Variants in ATXN7L3B observed in about 807,000 individuals in gnomAD.
ATXN7L3B encodes ataxin 7 like 3B, also known as ataxin-7-like protein 3B.
In ATXN7L3B, 4 loss-of-function variants were observed where a neutral mutation model predicts 6.3. The ratio of observed to expected loss-of-function variants is 0.63; its 90% CI spans 0.31 to 1.45. The LOEUF is 1.45. Among genes scored for constraint, ATXN7L3B ranks in the 40% most tolerant of loss-of-function variants. The probability of loss-of-function intolerance (pLI) is 0.07; values close to 1 mark genes in which losing one functional copy is unlikely to be tolerated. For missense variants in ATXN7L3B, 120 were observed against 118.5 expected (o/e 1.01, Z -0.06); for synonymous variants, 63 against 48.0 (o/e 1.31, Z -1.29).
Position 74,538,383 on chromosome 12 carries a change from C to T in ATXN7L3B, c.271C>T (p.Arg91Cys), listed in dbSNP as rs1868779579. 1 of 1,551,302 alleles carries T rather than the reference C, an allele frequency of 6.4e-7. No individual in the cohort carries two copies. Among genetic ancestry groups the T allele is most frequent in the African/African-American group, 1.4e-5 (1 of 73,142 alleles). Residue 91 changes from arginine to cysteine, a missense_variant, in exon 1 of 1, where the codon CGC (arginine) becomes TGC (cysteine). By Grantham distance (180) the Arg-to-Cys change is radical. Transcript: ENST00000519948. ...PGNGPDQQLQ[R>C]SPPEFQ ...GAATGGGCCTGATCAGCAGCTGCAG[C>T]GCTCACCTCCGGAATTCCAGTAGCT...
rs540258480 is a variant in ATXN7L3B, at chr12:74,542,133, T to C, written c.*3727T>C. The stretch of plus-strand genomic sequence containing the variant: ...CAATAGGATACCTCAGGGAAGCTTA[T>C]AGATGTGTAACATGGTATTGAGTCT... On this transcript the variant is annotated 3_prime_UTR_variant, in exon 1 of 1. Transcript: ENST00000519948. 8 of 152,302 alleles carry C rather than the reference T, an allele frequency of 5.3e-5. No homozygotes were observed. The East Asian group carries it at 5.8e-4, about 11-fold the overall frequency. 9.4% of individuals were successfully genotyped at this position (152,302 alleles called of 1,614,324 possible). A position where few individuals can be genotyped will look rare whatever the true frequency, so the allele number is the denominator to read the frequency against.
rs910517801 is a variant in ATXN7L3B, at chr12:74,540,954, C to T, written c.*2548C>T. 5 of 166,992 alleles carry T rather than the reference C, an allele frequency of 3.0e-5. No homozygotes were observed. Among genetic ancestry groups the T allele is most frequent in the African/African-American group, 1.2e-4 (5 of 41,406 alleles). The allele number at this position is 166,992 out of a possible 1,614,324, so 10.3% of individuals were successfully genotyped here. A position where few individuals can be genotyped will look rare whatever the true frequency, so the allele number is the denominator to read the frequency against. On this transcript the variant is annotated 3_prime_UTR_variant, in exon 1 of 1. Coordinates refer to ENST00000519948, the MANE Select transcript of ATXN7L3B (RefSeq NM_001136262.2). ...TGGATGGGTATAAGGTGGGCTTGGT[C>T]CAACAGGTGCCCAGAGGGTACATAC... is the stretch of plus-strand genomic sequence containing the variant.
In ATXN7L3B at chr12:74,538,163, C is replaced by T. The variant is rs1210991988; in HGVS notation, c.51C>T (p.Ile17=). 1.2e-5 allele frequency: 19 copies of T among 1,586,258 alleles called. No individual in the cohort carries two copies. The highest frequency in any genetic ancestry group is 6.9e-5 in the South Asian group (6 of 86,832). ...TGGATACTAACAAGCTAGAGGCCATCGCTCAGGAGATTTACGTAGACCTGA... is the reference window on the plus strand; with the variant it reads ...TGGATACTAACAAGCTAGAGGCCATTGCTCAGGAGATTTACGTAGACCTGA... ...ANLDTNKLEA[I]AQEIYVDLIE... Residue 17 remains isoleucine, a synonymous_variant, in exon 1 of 1, where the codon ATC becomes ATT. Transcript: ENST00000519948.
rs1565676669 is a variant in ATXN7L3B at position 74,541,498 on chromosome 12, G to C, written c.*3092G>C. 2 of 162,528 alleles carry C rather than the reference G, an allele frequency of 1.2e-5. No individual in the cohort carries two copies. The highest frequency in any genetic ancestry group is 4.8e-5 in the African/African-American group (2 of 41,416). The allele number at this position is 162,528 out of a possible 1,614,324, so 10.1% of individuals were successfully genotyped here. A position where few individuals can be genotyped will look rare whatever the true frequency, so the allele number is the denominator to read the frequency against. The stretch of plus-strand genomic sequence containing the variant: ...GTATATTCATCTTTTAAAGCTGTAT[G>C]TTTTCAGGCATTGACATAATGAGAT... On this transcript the variant is annotated 3_prime_UTR_variant, in exon 1 of 1. Coordinates refer to ENST00000519948, the MANE Select transcript of ATXN7L3B (RefSeq NM_001136262.2).
rs1457643576 is a variant in ATXN7L3B at position 74,539,255 on chromosome 12, G to GT, written c.*850dup. 4 of 167,120 alleles carry GT rather than the reference G, an allele frequency of 2.4e-5. No homozygotes were observed. Among genetic ancestry groups the GT allele is most frequent in the African/African-American group, 9.6e-5 (4 of 41,462 alleles). 10.4% of individuals were successfully genotyped at this position (167,120 alleles called of 1,614,324 possible). On this transcript the variant is annotated 3_prime_UTR_variant, in exon 1 of 1. Coordinates refer to ENST00000519948, the MANE Select transcript of ATXN7L3B (RefSeq NM_001136262.2). Reference sequence around the variant, plus strand: ...GATTCATGTCTGGATGTATTATGCTGTGGATATAAGTTTAGTAGGGCGGTC... The same window carrying GT: ...GATTCATGTCTGGATGTATTATGCTGTTGGATATAAGTTTAGTAGGGCGGTC...
Position 74,541,414 on chromosome 12 carries a change from C to T in ATXN7L3B, c.*3008C>T, listed in dbSNP as rs1179586586. 6.0e-6 allele frequency: 1 copy of T among 167,102 alleles called. No homozygotes were observed. Among genetic ancestry groups the T allele is most frequent in the East Asian group, 1.9e-4 (1 of 5,208 alleles). 10.4% of individuals were successfully genotyped at this position (167,102 alleles called of 1,614,324 possible). On this transcript the variant is annotated 3_prime_UTR_variant, in exon 1 of 1. Transcript: ENST00000519948. ...GGCTGCTGGTGTAAATAAACTGCAT[C>T]TCCCCATTGGTAAACAGTAATAAAA...
In ATXN7L3B at chr12:74,537,840, G is replaced by T. The variant is rs779168712; in HGVS notation, c.-273G>T. The T allele has an allele frequency of 1.1e-5, 5 of 440,944 alleles. No individual in the cohort carries two copies. The highest frequency in any genetic ancestry group is 2.0e-5 in the African/African-American group (1 of 50,520). 27.3% of individuals were successfully genotyped at this position (440,944 alleles called of 1,614,324 possible). The stretch of plus-strand genomic sequence containing the variant: ...CAGGGGAGCGGAAGAGGCCCAGGAG[G>T]CTGGGTGAGGCGCTGAGACGGTTTG... On this transcript the variant is annotated 5_prime_UTR_variant, in exon 1 of 1. Transcript: ENST00000519948.
Position 74,540,857 on chromosome 12 carries a change from T to G in ATXN7L3B, c.*2451T>G, listed in dbSNP as rs1389486. The G allele has an allele frequency of 6.0e-6, 1 of 167,076 alleles. No individual in the cohort carries two copies. Among genetic ancestry groups the G allele is most frequent in the East Asian group, 1.9e-4 (1 of 5,164 alleles). 10.3% of individuals were successfully genotyped at this position (167,076 alleles called of 1,614,324 possible). On this transcript the variant is annotated 3_prime_UTR_variant, in exon 1 of 1. Transcript: ENST00000519948. Reference sequence around the variant, plus strand: ...AAGCGGAAAGTAGTTTTGAGTAGTATTTTGTTCATATTACCCCCCTTTTGT... The same window carrying G: ...AAGCGGAAAGTAGTTTTGAGTAGTAGTTTGTTCATATTACCCCCCTTTTGT...
At position 74,537,856 on chromosome 12, in the gene ATXN7L3B, A is replaced by G. The variant is rs1426905138; in HGVS notation, c.-257A>G. 3.2e-5 allele frequency: 15 copies of G among 475,980 alleles called. No individual in the cohort carries two copies. The highest frequency in any genetic ancestry group is 5.7e-5 in the Non-Finnish European group (15 of 264,584). The allele number at this position is 475,980 out of a possible 1,614,324, so 29.5% of individuals were successfully genotyped here. On this transcript the variant is annotated 5_prime_UTR_variant, in exon 1 of 1. Coordinates refer to ENST00000519948, the MANE Select transcript of ATXN7L3B (RefSeq NM_001136262.2). Reference sequence around the variant, plus strand: ...GCCCAGGAGGCTGGGTGAGGCGCTGAGACGGTTTGGCGGTGAGTCCTGGGC... The same window carrying G: ...GCCCAGGAGGCTGGGTGAGGCGCTGGGACGGTTTGGCGGTGAGTCCTGGGC...
rs1265609987 is a variant in ATXN7L3B, at chr12:74,544,346, C to T, written c.*5940C>T. ...TGTGAATCGGAAGCAATCTGTATTACAATCCAAATAGATGTGCTCATGGAA... is the reference window on the plus strand; with the variant it reads ...TGTGAATCGGAAGCAATCTGTATTATAATCCAAATAGATGTGCTCATGGAA... On this transcript the variant is annotated 3_prime_UTR_variant, in exon 1 of 1. Transcript: ENST00000519948. The T allele has an allele frequency of 6.6e-6, 1 of 151,886 alleles. No individual in the cohort carries two copies. Among genetic ancestry groups the T allele is most frequent in the African/African-American group, 2.4e-5 (1 of 41,410 alleles). The allele number at this position is 151,886 out of a possible 1,614,324, so 9.4% of individuals were successfully genotyped here.
In ATXN7L3B at chr12:74,539,318, ATGGG is replaced by A. The variant is rs10579692; in HGVS notation, c.*915_*918del. 16,985 of 167,190 alleles carry A rather than the reference ATGGG, an allele frequency of 0.1. 966 individuals are homozygous for A. The highest frequency in any genetic ancestry group is 0.16 in the Middle Eastern group (48 of 298). 10.4% of individuals were successfully genotyped at this position (167,190 alleles called of 1,614,324 possible). ...GAGTTACTGGTTACCTAGCCAGTCC[ATGGG>A]TGTGACTTGGTCCTTAAGTCAGGTC... is the stretch of plus-strand genomic sequence containing the variant. On this transcript the variant is annotated 3_prime_UTR_variant, in exon 1 of 1. Coordinates refer to ENST00000519948, the MANE Select transcript of ATXN7L3B (RefSeq NM_001136262.2).
chr12:74,544,447 T>A lies in ATXN7L3B; in HGVS notation c.*6041T>A, dbSNP rs1868974418. The A allele has an allele frequency of 6.6e-6, 1 of 152,020 alleles. No individual in the cohort carries two copies. Among genetic ancestry groups the A allele is most frequent in the African/African-American group, 2.4e-5 (1 of 41,446 alleles). 9.4% of individuals were successfully genotyped at this position (152,020 alleles called of 1,614,324 possible). On this transcript the variant is annotated 3_prime_UTR_variant, in exon 1 of 1. Coordinates refer to ENST00000519948, the MANE Select transcript of ATXN7L3B (RefSeq NM_001136262.2). Reference sequence around the variant, plus strand: ...CAAGATCTTTTTGACAGATGTATATTTTAGTTTTGGTGCAGAAACAATGGA... The same window carrying A: ...CAAGATCTTTTTGACAGATGTATATATTAGTTTTGGTGCAGAAACAATGGA...
In ATXN7L3B at chr12:74,538,186, T is replaced by C; in HGVS notation, c.74T>C (p.Leu25Pro). The change falls in exon 1 of 1, where the codon CTG (leucine) becomes CCG (proline). Residue 25 changes from leucine to proline, a missense_variant. By Grantham distance (98) the Leu-to-Pro change is moderately conservative. Transcript: ENST00000519948. ...ATCGCTCAGGAGATTTACGTAGACC[T>C]GATAGAGGATTCTTGTTTGGGATTC... ...EAIAQEIYVD[L>P]IEDSCLGFCF... 1 of 1,599,352 alleles carries C rather than the reference T, an allele frequency of 6.3e-7. No homozygotes were observed. Among genetic ancestry groups the C allele is most frequent in the South Asian group, 1.1e-5 (1 of 88,348 alleles).
rs1253482937 is a variant in ATXN7L3B, at chr12:74,540,757, C to T, written c.*2351C>T. ...AAGGAGAAAGGCCACAGTCCAATCC[C>T]TCTGCCTTCAGATAGGGAACTCAAA... On this transcript the variant is annotated 3_prime_UTR_variant, in exon 1 of 1. Transcript: ENST00000519948. 6.0e-6 allele frequency: 1 copy of T among 167,136 alleles called. No homozygotes were observed. The highest frequency in any genetic ancestry group is 1.5e-5 in the Non-Finnish European group (1 of 68,146). 10.4% of individuals were successfully genotyped at this position (167,136 alleles called of 1,614,324 possible).
In ATXN7L3B at chr12:74,538,344, C is replaced by T. The variant is rs770692815; in HGVS notation, c.232C>T (p.Pro78Ser). 5.8e-6 allele frequency: 9 copies of T among 1,551,990 alleles called. No individual in the cohort carries two copies. The highest frequency in any genetic ancestry group is 2.4e-5 in the East Asian group (1 of 40,936). Residue 78 changes from proline (P) to serine (S), a missense_variant, in exon 1 of 1, where the codon CCC becomes TCC. Transcript: ENST00000519948. ...GACRLPLCSL[P>S]GEPGNGPDQQ... ...GTGCCGCCTCCCGCTTTGCTCCCTTCCCGGAGAACCTGGGAATGGGCCTGA... is the reference window on the plus strand; with the variant it reads ...GTGCCGCCTCCCGCTTTGCTCCCTTTCCGGAGAACCTGGGAATGGGCCTGA...
rs755471152 is a variant in ATXN7L3B at position 74,538,525 on chromosome 12, G to C, written c.*119G>C. 2.1e-6 allele frequency: 2 copies of C among 944,922 alleles called. No individual in the cohort carries two copies. Among genetic ancestry groups the C allele is most frequent in the Non-Finnish European group, 3.1e-6 (2 of 638,596 alleles). 58.5% of individuals were successfully genotyped at this position (944,922 alleles called of 1,614,324 possible). The stretch of plus-strand genomic sequence containing the variant: ...CAGACAAAAGTTTTAATTCCCCCTT[G>C]AAGATCCTAGCATTTAAAAACCCAA... On this transcript the variant is annotated 3_prime_UTR_variant, in exon 1 of 1. Transcript: ENST00000519948.
chr12:74,543,450 T>C lies in ATXN7L3B; in HGVS notation c.*5044T>C, dbSNP rs1241984213. On this transcript the variant is annotated 3_prime_UTR_variant, in exon 1 of 1. Transcript: ENST00000519948. ...AAAAAAAGGGAAGTCTATTTTAAAA[T>C]AGAACTCAAAAGTAACTCAAGGAAT... 1 of 152,078 alleles carries C rather than the reference T, an allele frequency of 6.6e-6. No individual in the cohort carries two copies. The highest frequency in any genetic ancestry group is 1.5e-5 in the Non-Finnish European group (1 of 67,932). The allele number at this position is 152,078 out of a possible 1,614,324, so 9.4% of individuals were successfully genotyped here.
Position 74,538,378 on chromosome 12 carries a change from T to A in ATXN7L3B, c.266T>A (p.Leu89Gln). 1 of 1,551,670 alleles carries A rather than the reference T, an allele frequency of 6.4e-7. No homozygotes were observed. Among genetic ancestry groups the A allele is most frequent in the Non-Finnish European group, 8.7e-7 (1 of 1,146,932 alleles). The change falls in exon 1 of 1, where the codon CTG becomes CAG. Residue 89 changes from leucine (L) to glutamine (Q), a missense_variant. Physicochemically the swap from Leu to Gln is moderately radical, Grantham distance 113 (BLOSUM62 -2). Transcript: ENST00000519948. ...CCTGGGAATGGGCCTGATCAGCAGCTGCAGCGCTCACCTCCGGAATTCCAG... is the reference window on the plus strand; with the variant it reads ...CCTGGGAATGGGCCTGATCAGCAGCAGCAGCGCTCACCTCCGGAATTCCAG... ...GEPGNGPDQQ[L>Q]QRSPPEFQ is the part of the protein sequence containing the mutation.
Position 74,540,490 on chromosome 12 carries a change from G to A in ATXN7L3B, c.*2084G>A, listed in dbSNP as rs989049540. ...GAGGATTAAGGAAACCATAGAGTTT[G>A]GGCCTTGGAACTGTTACTGCCTTGT... is the stretch of plus-strand genomic sequence containing the variant. On this transcript the variant is annotated 3_prime_UTR_variant, in exon 1 of 1. Transcript: ENST00000519948. 1.2e-5 allele frequency: 2 copies of A among 167,338 alleles called. No individual in the cohort carries two copies. The highest frequency in any genetic ancestry group is 4.1e-4 in the South Asian group (2 of 4,828). The allele number at this position is 167,338 out of a possible 1,614,324, so 10.4% of individuals were successfully genotyped here. A position where few individuals can be genotyped will look rare whatever the true frequency, so the allele number is the denominator to read the frequency against.
Sources: gnomAD v4.1 joint callset for allele counts on GRCh38, gnomAD v4.1.1 for gene constraint, MANE v1.5 for transcripts, NCBI Gene and HGNC (gene_info 2026-07-23, HGNC 2026-07-21) for gene names.